The following ACO2 variants were observed in gnomAD, a reference collection of about 807,000 sequenced individuals.
ACO2 encodes aconitase 2.
In ACO2, 31 loss-of-function variants were observed where a neutral mutation model predicts 84.5. The observed-to-expected ratio is 0.37, with a 90% CI of 0.28 to 0.50. ACO2 has a LOEUF of 0.50. ACO2 is among the 20% of genes least tolerant of loss of function. The probability of loss-of-function intolerance (pLI) is 0.97; values close to 1 mark genes in which losing one functional copy is unlikely to be tolerated. For missense variants in ACO2, 685 were observed against 1,029.3 expected (o/e 0.67, Z 4.58); for synonymous variants, 414 against 412.7 (o/e 1.00, Z -0.04).
At chr22:41,478,028 G>A (rs953764547) in intron 1 of ACO2, among the ~76,000 whole-genome samples, 39 of 151,906 alleles carry the variant, frequency 2.6e-4, no homozygotes, top group Non-Finnish European at 4.4e-5. Flanking sequence ...TCACGCTGCT[G>A]CACTCCAGCC....
intron 1 of ACO2, among the ~76,000 whole-genome samples, chr22:41,476,965 A>G (rs991981980): frequency 6.6e-6 from 1 of 151,708 alleles, no homozygotes; most frequent in Non-Finnish European, 1.5e-5. Flanking sequence ...CCTGGCCAAC[A>G]TGGTGAAACT....
At chr22:41,504,636 T>G (rs988695402) in intron 2 of ACO2, among the ~76,000 whole-genome samples, 3 of 150,702 alleles carry the variant, frequency 2.0e-5, no homozygotes, top group African/African-American at 7.3e-5. Flanking sequence ...CTCAGGCTAG[T>G]GCTGTTTTTA....
chr22:41,528,183 C>CA (rs1246421542), intron 17 of ACO2, 161 bp downstream of exon 17: 2 of 1,176,822 alleles, frequency 1.7e-6, no homozygotes, highest in Non-Finnish European at 2.4e-6. Context: ...AGTGGCTTCT[C>CA]AGAGTTGGGG....
chr22:41,503,491 C>T (rs1293787931), intron 2 of ACO2, among the ~76,000 whole-genome samples: 2 of 151,964 alleles, frequency 1.3e-5, no homozygotes, highest in Non-Finnish European at 1.5e-5. Flanking sequence ...CCACCACGCC[C>T]AGCTAATTTT....
rs1049852 is a variant in ACO2 at position 41,499,797 on chromosome 22, C to T, written c.108C>T (p.His36=). The T allele has an allele frequency of 4.3e-6, 7 of 1,614,132 alleles. No individual in the cohort carries two copies. The highest frequency in any genetic ancestry group is 5.1e-6 in the Non-Finnish European group (6 of 1,180,036). Residue 36 remains histidine (H), a synonymous_variant, in exon 2 of 18, where the codon CAC becomes CAT. Transcript: ENST00000216254. ...LCQRAKVAMS[H]FEPNEYIHYD... ...AACGGGCCAAGGTGGCGATGAGCCA[C>T]TTTGAGCCCAACGAGTACATCCATT...
chr22:41,525,200 A>C lies in ACO2; in HGVS notation c.1613A>C (p.Asp538Ala). 1.2e-6 allele frequency: 2 copies of C among 1,613,898 alleles called. No individual in the cohort carries two copies. The highest frequency in any genetic ancestry group is 1.7e-6 in the Non-Finnish European group (2 of 1,179,892). ...DADELPKGEF[D>A]PGQDTYQHPP... ...CCCCATTCCCTGCTGCAGGAGTTTG[A>C]CCCAGGGCAGGACACCTACCAGCAC... Residue 538 changes from aspartate (D) to alanine (A), a missense_variant, in exon 14 of 18, where the codon GAC becomes GCC. Physicochemically the swap from Asp to Ala is moderately radical, Grantham distance 126. Coordinates refer to ENST00000216254, the MANE Select transcript of ACO2 (RefSeq NM_001098.3).
chr22:41,502,628 A>G (rs1364981979), intron 2 of ACO2, among the ~76,000 whole-genome samples: 1 of 152,164 alleles, frequency 6.6e-6, no homozygotes, highest in Non-Finnish European at 1.5e-5. Flanking sequence ...TTTCTGTTTT[A>G]GACTGAGCCT....
At chr22:41,498,583 G>C (rs1339391220) in intron 1 of ACO2, among the ~76,000 whole-genome samples, 1 of 152,158 alleles carries the variant, frequency 6.6e-6, no homozygotes, top group Non-Finnish European at 1.5e-5. Context: ...ACTCACACCT[G>C]GCAAGGTGGT....
rs1212452926 is a variant in ACO2 at position 41,527,335 on chromosome 22, G to A, written c.2001G>A (p.Glu667=). ...TGATCGGAGACGAGAACTACGGCGA[G>A]GGCTCGAGCCGGGAGCATGCAGCTC... ...WVVIGDENYG[E]GSSREHAALE... Residue 667 remains glutamate (E), a synonymous_variant, in exon 16 of 18, where the codon GAG becomes GAA. Coordinates refer to ENST00000216254, the MANE Select transcript of ACO2 (RefSeq NM_001098.3). The A allele has an allele frequency of 6.2e-7, 1 of 1,614,040 alleles. No individual in the cohort carries two copies. The highest frequency in any genetic ancestry group is 1.3e-5 in the African/African-American group (1 of 74,936).
At position 41,525,366 on chromosome 22, in the gene ACO2, G is replaced by T. The variant is rs761344703; in HGVS notation, c.1761+18G>T. The T allele has an allele frequency of 1.2e-6, 2 of 1,612,404 alleles. No individual in the cohort carries two copies. Among genetic ancestry groups the T allele is most frequent in the East Asian group, 4.5e-5 (2 of 44,874 alleles). Reference sequence around the variant, plus strand: ...TCATCAAGGTCAGCAGCATGGGGACGGCAGGACAGCCCCACCCTGCCAGGG... The same window carrying T: ...TCATCAAGGTCAGCAGCATGGGGACTGCAGGACAGCCCCACCCTGCCAGGG... On this transcript the variant is annotated intron_variant, in intron 14 of 17. Coordinates refer to ENST00000216254, the MANE Select transcript of ACO2 (RefSeq NM_001098.3).
At chr22:41,492,958 A>G (rs1173068888) in intron 1 of ACO2, among the ~76,000 whole-genome samples, 1 of 152,152 alleles carries the variant, frequency 6.6e-6, no homozygotes, top group East Asian at 1.9e-4. Flanking sequence ...AAAAGAAAAG[A>G]AAAGAAAAGG....
At chr22:41,469,291 C>G in intron 1 of ACO2, 109 bp downstream of exon 1, 2 of 1,352,148 alleles carry the variant, frequency 1.5e-6, no homozygotes, top group Non-Finnish European at 2.0e-6. Context: ...GCCAACTTCT[C>G]GTGTACCTGT....
intron 3 of ACO2, among the ~76,000 whole-genome samples, chr22:41,511,320 C>T (rs1437787750): frequency 6.6e-6 from 1 of 152,172 alleles, no homozygotes; most frequent in Non-Finnish European, 1.5e-5. Flanking sequence ...TACAGGTGTG[C>T]ACTACCATGC....
Position 41,499,803 on chromosome 22 carries a change from G to T in ACO2, c.114G>T (p.Glu38Asp). 1 of 1,614,144 alleles carries T rather than the reference G, an allele frequency of 6.2e-7. No homozygotes were observed. The highest frequency in any genetic ancestry group is 8.5e-7 in the Non-Finnish European group (1 of 1,180,034). The part of the protein sequence containing the change: ...QRAKVAMSHF[E>D]PNEYIHYDLL... ...CCAAGGTGGCGATGAGCCACTTTGA[G>T]CCCAACGAGTACATCCATTATGACC... Residue 38 changes from glutamate to aspartate, a missense_variant, in exon 2 of 18, where the codon GAG (glutamate) becomes GAT (aspartate). Transcript: ENST00000216254.
At chr22:41,497,873 A>G (rs573485458) in intron 1 of ACO2, among the ~76,000 whole-genome samples, 1 of 147,924 alleles carries the variant, frequency 6.8e-6, no homozygotes, top group Non-Finnish European at 1.5e-5. Context: ...ACAGAGCAAG[A>G]CTCCCTTTAA....
In ACO2 at chr22:41,524,944, G is replaced by A. The variant is rs749067220; in HGVS notation, c.1581G>A (p.Pro527=). 2.4e-5 allele frequency: 38 copies of A among 1,614,072 alleles called. No individual in the cohort carries two copies. Among genetic ancestry groups the A allele is most frequent in the Middle Eastern group, 1.6e-4 (1 of 6,084 alleles). Residue 527 remains proline (P), a synonymous_variant, in exon 13 of 18, where the codon CCG becomes CCA. Coordinates refer to ENST00000216254, the MANE Select transcript of ACO2 (RefSeq NM_001098.3). ...TDGKKFRLEA[P]DADELPKGEF... The stretch of plus-strand genomic sequence containing the variant: ...GCAAGAAGTTCAGGCTGGAGGCTCC[G>A]GATGCAGATGAGCTTCCCAAAGGGG...
intron 9 of ACO2, 26 bp downstream of exon 9, chr22:41,520,302 T>A: frequency 6.3e-7 from 1 of 1,591,152 alleles, no homozygotes; most frequent in Non-Finnish European, 8.6e-7. Context: ...CCCATCTGTT[T>A]AGCAGGTCTC....
chr22:41,512,864 C>T (rs942360882), intron 4 of ACO2, among the ~76,000 whole-genome samples: 9 of 152,202 alleles, frequency 5.9e-5, no homozygotes, highest in Non-Finnish European at 1.3e-4. Context: ...TGTCCATTTA[C>T]ATCCACCCTG....
intron 2 of ACO2, 149 bp from the exon 3 acceptor site, chr22:41,507,642 C>T (rs966151261): frequency 1.8e-6 from 2 of 1,120,374 alleles, no homozygotes; most frequent in Non-Finnish European, 2.5e-6. Flanking sequence ...ACCCAGCAGT[C>T]CCCACCCAAG....
Sources: allele counts gnomAD v4.1 joint callset (sites outside exome capture counted in the v4.1 genomes callset), GRCh38; gene constraint gnomAD v4.1.1; transcripts MANE v1.5; gene names NCBI Gene and HGNC (gene_info 2026-07-23, HGNC 2026-07-21).